The following RALYL variants were observed in gnomAD, a reference collection of about 807,000 sequenced individuals.
The protein encoded by RALYL is RALY RNA binding protein like.
Under a neutral mutation model 35.1 loss-of-function variants are expected in RALYL, and 29 were observed. That is an observed-to-expected ratio of 0.83 (90% confidence interval 0.61 to 1.13). The LOEUF (loss-of-function observed/expected upper bound fraction) is 1.13, where lower values mean the gene tolerates loss of function less well. Among genes scored for constraint, RALYL ranks in the 50% most tolerant of loss-of-function variants. RALYL has a pLI of 0.00. For missense variants in RALYL, 359 were observed against 360.4 expected, an observed-to-expected ratio of 1.00 and a Z score of 0.03; for synonymous variants, 120 against 127.6, an observed-to-expected ratio of 0.94 and a Z score of 0.40.
At chr8:84,887,898 T>A in intron 8 of RALYL, 122 bp downstream of exon 8, 1 of 848,044 alleles carries the variant, frequency 1.2e-6, no homozygotes, top group East Asian at 2.5e-5. Context: ...TGCATATATT[T>A]AAGGGAACAT....
At chr8:84,407,000 C>T (rs1452974350) in intron 1 of RALYL, among the ~76,000 whole-genome samples, 1 of 144,286 alleles carries the variant, frequency 6.9e-6, no homozygotes, top group East Asian at 1.9e-4. Flanking sequence ...CTCTCTCTCT[C>T]CCTCTCTCTC....
intron 1 of RALYL, among the ~76,000 whole-genome samples, chr8:84,351,243 A>G (rs1179129207): frequency 2.0e-5 from 3 of 150,022 alleles, no homozygotes; most frequent in Admixed American, 2.0e-4. Flanking sequence ...TTCTAAACTG[A>G]TCAATAAGAG....
intron 1 of RALYL, among the ~76,000 whole-genome samples, chr8:84,201,210 T>C (rs1816749940): frequency 6.7e-6 from 1 of 150,360 alleles, no homozygotes; most frequent in Non-Finnish European, 1.5e-5. Flanking sequence ...ATAACATGAA[T>C]AGAAAGAAAT....
chr8:84,694,565 T>A (rs1220268236), intron 2 of RALYL, among the ~76,000 whole-genome samples: 1 of 151,808 alleles, frequency 6.6e-6, no homozygotes, highest in Non-Finnish European at 1.5e-5. Flanking sequence ...ATACTCACCA[T>A]AATTCCAATG....
chr8:84,415,360 C>G (rs753248828), intron 1 of RALYL, among the ~76,000 whole-genome samples: 2 of 151,880 alleles, frequency 1.3e-5, no homozygotes. Flanking sequence ...CTGCCTCAGC[C>G]TCCCTAGTAG....
intron 2 of RALYL, among the ~76,000 whole-genome samples, chr8:84,648,711 G>T (rs1432819265): frequency 6.6e-6 from 1 of 151,624 alleles, no homozygotes; most frequent in African/African-American, 2.4e-5. Flanking sequence ...TAAAAAGGAT[G>T]TCTTAAGCAT....
At chr8:84,494,632 C>T (rs773252080) in intron 1 of RALYL, among the ~76,000 whole-genome samples, 81 of 152,018 alleles carry the variant, frequency 5.3e-4, no homozygotes, top group Non-Finnish European at 9.7e-4. Flanking sequence ...TAGCTGTATT[C>T]CTAGATATTT....
intron 1 of RALYL, among the ~76,000 whole-genome samples, chr8:84,440,429 G>A (rs2048208941): frequency 6.6e-6 from 1 of 151,988 alleles, no homozygotes; most frequent in African/African-American, 2.4e-5. Flanking sequence ...AAAATCGTTT[G>A]TACTTTGTAC....
chr8:84,188,973 A>C (rs1436629027), intron 1 of RALYL, among the ~76,000 whole-genome samples: 2 of 152,174 alleles, frequency 1.3e-5, no homozygotes, highest in East Asian at 3.9e-4. Flanking sequence ...TGAGTCCTGG[A>C]AAATAGAGGC....
rs185288576 is a variant in RALYL, at chr8:84,390,097, A to G, written c.-23-139202A>G. Among the ~76,000 whole-genome samples, 220 of 151,570 alleles carry G rather than the reference A, an allele frequency of 1.5e-3. 2 individuals carry two copies. The highest frequency in any genetic ancestry group is 3.3e-4 in the Admixed American group (5 of 15,262). On this transcript the variant is annotated intron_variant, in intron 1 of 8. Transcript: ENST00000521268. ...AAAGGCCTTTTCTGCATCAATTGAG[A>G]TAATCATGGTTTTTGTCTTTGGTTC...
At chr8:84,357,604 A>C (rs1852105086) in intron 1 of RALYL, among the ~76,000 whole-genome samples, 1 of 151,748 alleles carries the variant, frequency 6.6e-6, no homozygotes, top group South Asian at 2.1e-4. Context: ...CAAGAATTTT[A>C]ATGAAATACC....
At position 84,762,607 on chromosome 8, in the gene RALYL, C is replaced by T. The variant is rs148476811; in HGVS notation, c.257-11972C>T. On this transcript the variant is annotated intron_variant, in intron 2 of 8. Transcript: ENST00000521268. ...TTTAAGTTAAAAAGTCAGCTTTATC[C>T]ACAGAATATGATGTTTGGAGTGACA... 1.2e-4 allele frequency among the ~76,000 whole-genome samples: 19 copies of T among 152,252 alleles called. No individual in the cohort carries two copies. In the East Asian group the frequency reaches 3.7e-3, roughly 29 times the overall value.
At chr8:84,875,220 A>G (rs1204498144) in intron 7 of RALYL, among the ~76,000 whole-genome samples, 1 of 152,176 alleles carries the variant, frequency 6.6e-6, no homozygotes, top group Non-Finnish European at 1.5e-5. Context: ...TGTAAAATTC[A>G]TTATTATGTA....
intron 2 of RALYL, among the ~76,000 whole-genome samples, chr8:84,661,967 C>T (rs1254288675): frequency 6.6e-6 from 1 of 151,404 alleles, no homozygotes; most frequent in African/African-American, 2.4e-5. Flanking sequence ...CTTGTGGTCC[C>T]ATACTTCTTA....
intron 2 of RALYL, among the ~76,000 whole-genome samples, chr8:84,728,976 A>G (rs1845572799): frequency 6.6e-6 from 1 of 152,160 alleles, no homozygotes; most frequent in Non-Finnish European, 1.5e-5. Context: ...TTGGTTGCAT[A>G]TGAACTTGAA....
rs552932213 is a variant in RALYL at position 84,469,518 on chromosome 8, G to C, written c.-23-59781G>C. Among the ~76,000 whole-genome samples the C allele has an allele frequency of 2.0e-5, 3 of 152,156 alleles. No individual in the cohort carries two copies. In the South Asian group the frequency reaches 6.2e-4, roughly 31 times the overall value. Reference sequence around the variant, plus strand: ...TGCCCGTCCTGAGATCTCCAGCTGCGTCCTGGGAGAACCACTGCTCTCTTC... The same window carrying C: ...TGCCCGTCCTGAGATCTCCAGCTGCCTCCTGGGAGAACCACTGCTCTCTTC... On this transcript the variant is annotated intron_variant, in intron 1 of 8. Transcript: ENST00000521268.
At chr8:84,574,761 G>A (rs972811556) in intron 2 of RALYL, among the ~76,000 whole-genome samples, 1 of 152,012 alleles carries the variant, frequency 6.6e-6, no homozygotes, top group Non-Finnish European at 1.5e-5. Context: ...GGTGATTTTA[G>A]TAACTCTGTC....
rs1431147788 is a variant in RALYL, at chr8:84,198,229, G to A, written c.-24+13805G>A. 2.0e-5 allele frequency among the ~76,000 whole-genome samples: 3 copies of A among 152,290 alleles called. No individual in the cohort carries two copies. The South Asian group carries it at 6.2e-4, about 32-fold the overall frequency. ...GGACGTAACTGCTAAGAGCATATGT[G>A]TACTGAAATGATAATTTGTCTTAAC... On this transcript the variant is annotated intron_variant, in intron 1 of 8. Coordinates refer to ENST00000521268, the MANE Select transcript of RALYL (RefSeq NM_173848.7).
At chr8:84,860,275 G>C (rs1227671455) in intron 5 of RALYL, among the ~76,000 whole-genome samples, 1 of 152,140 alleles carries the variant, frequency 6.6e-6, no homozygotes, top group Non-Finnish European at 1.5e-5. Flanking sequence ...CCAATTTATA[G>C]ATTGGCTTGT....
Sources: allele counts gnomAD v4.1 joint callset (sites outside exome capture counted in the v4.1 genomes callset), GRCh38; gene constraint gnomAD v4.1.1; transcripts MANE v1.5; gene names NCBI Gene and HGNC (gene_info 2026-07-23, HGNC 2026-07-21).